LPAR1: variants seen among roughly 807,000 people sequenced by gnomAD.
LPAR1 encodes LPA receptor 1.
In LPAR1, 5 loss-of-function variants were observed where a neutral mutation model predicts 23.8. The ratio of observed to expected loss-of-function variants is 0.21; its 90% CI spans 0.11 to 0.44. The LOEUF (loss-of-function observed/expected upper bound fraction) is 0.44, where lower values mean the gene tolerates loss of function less well. LPAR1 is among the 20% of genes least tolerant of loss of function. The pLI is 0.99. For missense variants in LPAR1, 311 were observed against 482.8 expected (o/e 0.64, Z 3.33); for synonymous variants, 160 against 164.7 (o/e 0.97, Z 0.22).
At position 110,875,548 on chromosome 9, in the gene LPAR1, C is replaced by G; in HGVS notation, c.968G>C (p.Arg323Thr). The G allele has an allele frequency of 6.2e-7, 1 of 1,614,060 alleles. No homozygotes were observed. The highest frequency in any genetic ancestry group is 8.5e-7 in the Non-Finnish European group (1 of 1,180,010). Residue 323 changes from arginine (R) to threonine (T), a missense_variant, in exon 6 of 6, where the codon AGG becomes ACG. Transcript: ENST00000683809. Reference sequence around the variant, plus strand: ...ACTGCGCTGGCAGCAGAGGATCTGCCTAAAGGTGGCGCTCATTTCTTTGTC... The same window carrying G: ...ACTGCGCTGGCAGCAGAGGATCTGCGTAAAGGTGGCGCTCATTTCTTTGTC... ...YRDKEMSATF[R>T]QILCCQRSEN...
chr9:110,947,652 C>G (rs1368774004), intron 4 of LPAR1, among the ~76,000 whole-genome samples: 1 of 152,226 alleles, frequency 6.6e-6, no homozygotes. Flanking sequence ...TTGGGCATGG[C>G]ACTGCATTAT....
intron 5 of LPAR1, among the ~76,000 whole-genome samples, chr9:110,883,537 C>G (rs1192629184): frequency 3.3e-5 from 5 of 152,042 alleles, no homozygotes; most frequent in Admixed American, 3.3e-4. Flanking sequence ...CAAGGAAATG[C>G]ACACACGTAA....
rs2095064487 is a variant in LPAR1 at position 110,941,025 on chromosome 9, A to G, written c.793+396T>C. ...AACAAAAATAACTATATATGGAAGC[A>G]TATTCATATTCTACAAAAGCACTTT... On this transcript the variant is annotated intron_variant, in intron 5 of 5. Transcript: ENST00000683809. This position sits in a 1 kb window ranked among gnomAD's most constrained non-coding sequence, Gnocchi z 6.1. 1.3e-5 allele frequency among the ~76,000 whole-genome samples: 2 copies of G among 152,260 alleles called. No individual in the cohort carries two copies. Among genetic ancestry groups the G allele is most frequent in the South Asian group, 4.1e-4 (2 of 4,836 alleles).
At chr9:110,984,688 C>T (rs1267620011) in intron 2 of LPAR1, among the ~76,000 whole-genome samples, 1 of 150,374 alleles carries the variant, frequency 6.7e-6, no homozygotes, top group Non-Finnish European at 1.5e-5. Flanking sequence ...TATGACAAAT[C>T]AAAATAATGT....
At chr9:110,970,144 T>C (rs1337865420) in intron 4 of LPAR1, among the ~76,000 whole-genome samples, 2 of 152,182 alleles carry the variant, frequency 1.3e-5, no homozygotes, top group African/African-American at 4.8e-5. Flanking sequence ...GATAGGAGCT[T>C]GTGTAACAGA....
chr9:111,002,713 T>G (rs1271704268), intron 2 of LPAR1, among the ~76,000 whole-genome samples: 1 of 152,164 alleles, frequency 6.6e-6, no homozygotes, highest in South Asian at 2.1e-4. Context: ...ACTCCAGAGA[T>G]AGGATTTTTC....
chr9:110,891,867 AC>A (rs1329069987), intron 5 of LPAR1, among the ~76,000 whole-genome samples: 1 of 152,242 alleles, frequency 6.6e-6, no homozygotes, highest in African/African-American at 2.4e-5. Context: ...CTGAATGTCT[AC>A]AATTTAGAAG....
intron 2 of LPAR1, among the ~76,000 whole-genome samples, chr9:111,021,875 CG>C (rs2097565635): frequency 1.4e-5 from 2 of 143,248 alleles, no homozygotes; most frequent in South Asian, 4.4e-4. Flanking sequence ...GCAGGAGAAT[CG>C]CTTGAACCAC....
intron 2 of LPAR1, among the ~76,000 whole-genome samples, chr9:111,009,099 A>G (rs2097275710): frequency 6.6e-6 from 1 of 152,250 alleles, no homozygotes; most frequent in Non-Finnish European, 1.5e-5. Context: ...TAATAAGTTT[A>G]AAAGTAAAAG....
At chr9:110,953,935 A>G (rs1197891353) in intron 4 of LPAR1, among the ~76,000 whole-genome samples, 1 of 152,156 alleles carries the variant, frequency 6.6e-6, no homozygotes. Flanking sequence ...AAAGAGCACA[A>G]TAATTCTTCA....
chr9:110,893,746 C>A (rs1002327016), intron 5 of LPAR1, among the ~76,000 whole-genome samples: 3 of 152,284 alleles, frequency 2.0e-5, no homozygotes, highest in Middle Eastern at 6.8e-3. Flanking sequence ...GGTCTCAATT[C>A]CTGCTCTCAT....
intron 2 of LPAR1, among the ~76,000 whole-genome samples, chr9:111,028,301 T>A (rs765662026): frequency 6.6e-6 from 1 of 152,138 alleles, no homozygotes; most frequent in Non-Finnish European, 1.5e-5. Context: ...CAGGCTGGTC[T>A]TGAACTCCTG....
At chr9:110,907,014 T>C (rs2091428625) in intron 5 of LPAR1, among the ~76,000 whole-genome samples, 1 of 152,224 alleles carries the variant, frequency 6.6e-6, no homozygotes, top group East Asian at 1.9e-4. Context: ...TCTATGAATG[T>C]ACATTTTCTG....
At chr9:110,963,956 T>C (rs1214813681) in intron 4 of LPAR1, among the ~76,000 whole-genome samples, 1 of 152,246 alleles carries the variant, frequency 6.6e-6, no homozygotes, top group African/African-American at 2.4e-5. Context: ...AATTCTATGT[T>C]AGACGAAATT....
intron 2 of LPAR1, among the ~76,000 whole-genome samples, chr9:111,035,366 C>T (rs149968724): frequency 6.6e-6 from 1 of 152,194 alleles, no homozygotes; most frequent in East Asian, 1.9e-4. Flanking sequence ...AGACTACACG[C>T]ACATGCCACC....
intron 4 of LPAR1, among the ~76,000 whole-genome samples, chr9:110,946,079 T>TA (rs1003124964): frequency 2.0e-5 from 3 of 152,070 alleles, no homozygotes; most frequent in African/African-American, 7.2e-5. Flanking sequence ...ATTTCTGTAT[T>TA]AAAAATGGCA....
At chr9:110,918,485 C>G (rs983431614) in intron 5 of LPAR1, among the ~76,000 whole-genome samples, 1 of 152,184 alleles carries the variant, frequency 6.6e-6, no homozygotes, top group African/African-American at 2.4e-5. Flanking sequence ...GGCTTATGTA[C>G]AGGCTCATGA....
rs562702491 is a variant in LPAR1, at chr9:111,033,100, C to T, written c.-182+3022G>A. Among the ~76,000 whole-genome samples the T allele has an allele frequency of 2.6e-5, 4 of 152,224 alleles. No individual in the cohort carries two copies. The South Asian group carries it at 8.3e-4, about 32-fold the overall frequency. The stretch of plus-strand genomic sequence containing the variant: ...TCACAAAAATAAAATAAATTATAAC[C>T]TAAATCCATGAATGTAGTAAAATAG... On this transcript the variant is annotated intron_variant, in intron 2 of 5. Transcript: ENST00000683809.
In LPAR1 at chr9:110,875,304, A is replaced by T; in HGVS notation, c.*117T>A. The T allele has an allele frequency of 2.6e-6, 2 of 775,844 alleles. No individual in the cohort carries two copies. Among genetic ancestry groups the T allele is most frequent in the Non-Finnish European group, 4.1e-6 (2 of 490,560 alleles). The allele number at this position is 775,844 out of a possible 1,614,324, so 48.1% of individuals were successfully genotyped here. A position where few individuals can be genotyped will look rare whatever the true frequency, so the allele number is the denominator to read the frequency against. ...CAAATACTGTCATTGGTTAGTGTTT[A>T]AGTACATGAGTTGACTTTTCTCCTC... On this transcript the variant is annotated 3_prime_UTR_variant, in exon 6 of 6. Transcript: ENST00000683809.
Sources: allele counts gnomAD v4.1 joint callset (sites outside exome capture counted in the v4.1 genomes callset), GRCh38; gene constraint gnomAD v4.1.1; non-coding constraint Gnocchi (gnomAD v3.1); transcripts MANE v1.5; gene names NCBI Gene and HGNC (gene_info 2026-07-23, HGNC 2026-07-21).